The following SLC25A26 variants were observed in gnomAD, a reference collection of about 807,000 sequenced individuals.
The protein encoded by SLC25A26 is solute carrier family 25 member 26.
A neutral mutation model predicts 37.8 loss-of-function variants in SLC25A26; 36 were observed. That is an observed-to-expected ratio of 0.95 (90% confidence interval 0.73 to 1.26). The LOEUF is 1.26. SLC25A26 is among the 50% of genes most tolerant of loss of function. SLC25A26 has a pLI of 0.00. For missense variants in SLC25A26, 390 were observed against 331.1 expected (o/e 1.18, Z -1.38); for synonymous variants, 129 against 122.5 (o/e 1.05, Z -0.35).
At chr3:66,277,811 A>G (rs1559647594) in intron 5 of SLC25A26, among the ~76,000 whole-genome samples, 2 of 152,130 alleles carry the variant, frequency 1.3e-5, no homozygotes, top group Admixed American at 1.3e-4. Flanking sequence ...ATAATGCACC[A>G]AGAAGGACAC....
chr3:66,330,049 C>A (rs749532945), intron 5 of SLC25A26, among the ~76,000 whole-genome samples: 34 of 152,090 alleles, frequency 2.2e-4, no homozygotes, highest in Admixed American at 2.0e-4. Flanking sequence ...CTACTGTCAC[C>A]CCATCCTTAC....
intron 1 of SLC25A26, among the ~76,000 whole-genome samples, chr3:66,151,867 T>A (rs1439355086): frequency 6.6e-6 from 1 of 152,236 alleles, no homozygotes; most frequent in East Asian, 1.9e-4. Flanking sequence ...TTTTTAAGAA[T>A]AGGGACTATT....
chr3:66,339,927 A>G (rs904885532), intron 5 of SLC25A26, among the ~76,000 whole-genome samples: 14 of 152,036 alleles, frequency 9.2e-5, no homozygotes, highest in African/African-American at 2.7e-4. Context: ...CCAAGAAATC[A>G]TTGCCAAATC....
chr3:66,307,422 A>G (rs1191856191), intron 5 of SLC25A26, among the ~76,000 whole-genome samples: 1 of 152,088 alleles, frequency 6.6e-6, no homozygotes, highest in African/African-American at 2.4e-5. Context: ...TCAGATGGAT[A>G]GATTGCAAAA....
At chr3:66,324,491 T>A (rs1194078190) in intron 5 of SLC25A26, among the ~76,000 whole-genome samples, 1 of 152,180 alleles carries the variant, frequency 6.6e-6, no homozygotes, top group Non-Finnish European at 1.5e-5. Context: ...AGGAATCTTG[T>A]GGCCTCTGGC....
upstream of SLC25A26, among the ~76,000 whole-genome samples, chr3:66,218,586 G>A (rs1280266112): frequency 6.6e-6 from 1 of 152,186 alleles, no homozygotes; most frequent in Non-Finnish European, 1.5e-5. Flanking sequence ...CTTTTGGGTA[G>A]TCCAGCCCCA....
At chr3:66,266,498 T>A (rs2073755521) in intron 5 of SLC25A26, among the ~76,000 whole-genome samples, 1 of 152,072 alleles carries the variant, frequency 6.6e-6, no homozygotes, top group Non-Finnish European at 1.5e-5. Context: ...CAGTTGCCCA[T>A]TAGAATGAGA....
intron 9 of SLC25A26, among the ~76,000 whole-genome samples, chr3:66,374,062 T>C (rs1378084678): frequency 6.6e-6 from 1 of 152,232 alleles, no homozygotes; most frequent in Non-Finnish European, 1.5e-5. Flanking sequence ...TTGACCATTT[T>C]CAGTTTTCTT....
chr3:66,369,040 AAAACAAAAACAAAAAAAAAAAAC>A (rs1700193121), intron 7 of SLC25A26, among the ~76,000 whole-genome samples: 1 of 25,372 alleles, frequency 3.9e-5, no homozygotes, highest in Non-Finnish European at 6.7e-5. Flanking sequence ...AAAAAAAAAA[AAAACAAAAACAAAAAAAAAAAAC>A]AAAAGACAGT....
intron 1 of SLC25A26, among the ~76,000 whole-genome samples, chr3:66,161,213 T>C (rs1396785315): frequency 1.3e-5 from 2 of 151,908 alleles, no homozygotes; most frequent in Non-Finnish European, 2.9e-5. Context: ...CTTGAAACTG[T>C]CAATTTGCTC....
rs1410197737 is a variant in SLC25A26 at position 66,286,611 on chromosome 3, A to G, written c.453+23232A>G. 3.9e-5 allele frequency among the ~76,000 whole-genome samples: 6 copies of G among 152,120 alleles called. 1 individual carries two copies. Among genetic ancestry groups the G allele is most frequent in the Admixed American group, 3.9e-4 (6 of 15,262 alleles). ...TCTTTATTTAGGTGTTTGTTTTCAT[A>G]TTTTTGAATATCCCAGTCTTGAAAG... On this transcript the variant is annotated intron_variant, in intron 5 of 9. Transcript: ENST00000354883.
chr3:66,376,504 C>T (rs1303643687), intron 9 of SLC25A26, among the ~76,000 whole-genome samples: 1 of 152,316 alleles, frequency 6.6e-6, no homozygotes, highest in Middle Eastern at 3.4e-3. Context: ...CAGAAGATTA[C>T]AATTTACTGC....
intron 5 of SLC25A26, among the ~76,000 whole-genome samples, chr3:66,325,188 G>A (rs768369674): frequency 7.8e-4 from 119 of 152,214 alleles, no homozygotes; most frequent in Non-Finnish European, 1.1e-3. Context: ...TATGGGAGAC[G>A]TAAGGCATAT....
intron 6 of SLC25A26, among the ~76,000 whole-genome samples, chr3:66,349,540 GTTTGT>G (rs1218544078): frequency 5.9e-5 from 9 of 151,666 alleles, no homozygotes; most frequent in African/African-American, 2.2e-4. Context: ...TGTACCAGTA[GTTTGT>G]TTTATTACTT....
At position 66,378,021 on chromosome 3, in the gene SLC25A26, G is replaced by C. The variant is rs2107892702; in HGVS notation, c.*214G>C. The stretch of plus-strand genomic sequence containing the variant: ...GAGCTAAGAGAAGAAAACGGGGTCT[G>C]TGGCGGTACTCTGAACAATTTCCTC... On this transcript the variant is annotated 3_prime_UTR_variant, in exon 10 of 10. Transcript: ENST00000354883. The C allele has an allele frequency of 2.0e-6, 1 of 497,850 alleles. No individual in the cohort carries two copies. The highest frequency in any genetic ancestry group is 3.6e-6 in the Non-Finnish European group (1 of 279,058). The allele number at this position is 497,850 out of a possible 1,614,324, so 30.8% of individuals were successfully genotyped here. A position where few individuals can be genotyped will look rare whatever the true frequency, so the allele number is the denominator to read the frequency against.
chr3:66,152,074 C>T (rs987039282), intron 1 of SLC25A26, among the ~76,000 whole-genome samples: 1 of 152,160 alleles, frequency 6.6e-6, no homozygotes, highest in Non-Finnish European at 1.5e-5. Flanking sequence ...TTATCATTGT[C>T]TCCCTATCAC....
intron 9 of SLC25A26, among the ~76,000 whole-genome samples, chr3:66,376,359 A>C (rs1700649051): frequency 6.6e-6 from 1 of 152,164 alleles, no homozygotes; most frequent in Non-Finnish European, 1.5e-5. Context: ...TGCTACAGAG[A>C]AATCTTTCAT....
At chr3:66,276,646 T>C (rs1657119692) in intron 5 of SLC25A26, among the ~76,000 whole-genome samples, 1 of 152,072 alleles carries the variant, frequency 6.6e-6, no homozygotes, top group Admixed American at 6.6e-5. Context: ...TTTTGTTCCC[T>C]GTGCTGCATC....
chr3:66,269,989 C>T (rs2073898576), intron 5 of SLC25A26, among the ~76,000 whole-genome samples: 1 of 152,084 alleles, frequency 6.6e-6, no homozygotes, highest in Middle Eastern at 3.2e-3. Flanking sequence ...GAATACTTGT[C>T]GTTTTTCACT....
Sources: gnomAD v4.1 joint callset for allele counts (sites outside exome capture counted in the v4.1 genomes callset) on GRCh38, gnomAD v4.1.1 for gene constraint, MANE v1.5 for transcripts, NCBI Gene and HGNC (gene_info 2026-07-23, HGNC 2026-07-21) for gene names.